Variants in EIF4ENIF1 observed in about 807,000 individuals in gnomAD.
The protein encoded by EIF4ENIF1 is eukaryotic translation initiation factor 4E nuclear import factor 1.
Under a neutral mutation model 110.5 loss-of-function variants are expected in EIF4ENIF1, and 23 were observed. The observed-to-expected ratio is 0.21, with a 90% CI of 0.15 to 0.29. The LOEUF is 0.29. Ranked by LOEUF, EIF4ENIF1 falls within the 10% of genes least tolerant of loss-of-function variation. The pLI is 1.00. For synonymous variants in EIF4ENIF1, 440 were observed against 437.0 expected, an observed-to-expected ratio of 1.01 and a Z score of -0.09; for missense variants, 1,031 against 1,221.1, an observed-to-expected ratio of 0.84 and a Z score of 2.32.
At chr22:31,442,536 C>T (rs914038981) in intron 16 of EIF4ENIF1, among the ~76,000 whole-genome samples, 1 of 152,170 alleles carries the variant, frequency 6.6e-6, no homozygotes, top group Non-Finnish European at 1.5e-5. Context: ...TTACCACGTC[C>T]TTCACAATCC....
chr22:31,444,370 C>T (rs1156521865), intron 15 of EIF4ENIF1: 1 of 452,806 alleles, frequency 2.2e-6, no homozygotes, highest in Non-Finnish European at 4.1e-6. Flanking sequence ...TGTGCCCTGG[C>T]CCATGATCAT....
At chr22:31,446,848 G>T in intron 14 of EIF4ENIF1, 1 of 288,320 alleles carries the variant, frequency 3.5e-6, no homozygotes, top group Non-Finnish European at 7.3e-6. Context: ...CCTAACTTAT[G>T]ATTAATTTCA....
Position 31,462,850 on chromosome 22 carries a change from T to G in EIF4ENIF1, c.787+82A>C, listed in dbSNP as rs1601604020. The G allele has an allele frequency of 4.9e-6, 7 of 1,443,222 alleles. No individual in the cohort carries two copies. In the East Asian group the frequency reaches 1.1e-4, roughly 24 times the overall value. 89.4% of individuals were successfully genotyped at this position (1,443,222 alleles called of 1,614,324 possible). A position where few individuals can be genotyped will look rare whatever the true frequency, so the allele number is the denominator to read the frequency against. On this transcript the variant is annotated intron_variant, in intron 6 of 18. Coordinates refer to ENST00000330125, the MANE Select transcript of EIF4ENIF1 (RefSeq NM_019843.4). ...CGCCCACCTCGGCCTCCCAAAGTGT[T>G]GGGATTACAGGTGTGAGCCACCACG...
At chr22:31,491,017 T>C (rs144525889), upstream of EIF4ENIF1, among the ~76,000 whole-genome samples, 61 of 152,330 alleles carry the variant, frequency 4.0e-4, no homozygotes, top group African/African-American at 1.4e-3. Flanking sequence ...GTGTGTTTCT[T>C]ACAAACTGTT....
chr22:31,485,078 G>A (rs1023771328), intron 2 of EIF4ENIF1, among the ~76,000 whole-genome samples: 3 of 152,106 alleles, frequency 2.0e-5, no homozygotes, highest in Non-Finnish European at 2.9e-5. Flanking sequence ...CCCAAGTCCC[G>A]CATAGAATTA....
intron 2 of EIF4ENIF1, among the ~76,000 whole-genome samples, chr22:31,481,238 C>A (rs2051804546): frequency 6.6e-6 from 1 of 152,142 alleles, no homozygotes; most frequent in African/African-American, 2.4e-5. Flanking sequence ...TCATAGCTCA[C>A]TGCAAGCTCA....
At chr22:31,438,619 A>C (rs1337366189), downstream of EIF4ENIF1, among the ~76,000 whole-genome samples, 1 of 152,210 alleles carries the variant, frequency 6.6e-6, no homozygotes, top group Non-Finnish European at 1.5e-5. Context: ...CCACAAGGCT[A>C]TGCTATCTAT....
In EIF4ENIF1 at chr22:31,440,118, A is replaced by C; in HGVS notation, c.2720T>G (p.Leu907Arg). ...ATGGGAACCAGAGCCTGGAGGATGC[A>C]GAACTGTGGAGATAAGAAGGGTTAT... ...MVQQQLQRSVLHPPGSGSHAA... is the reference protein window; with the variant it reads ...MVQQQLQRSVRHPPGSGSHAA... Residue 907 changes from leucine to arginine, a missense_variant, in exon 19 of 19, where the codon CTG becomes CGG. Leu to Arg is a moderately radical substitution (Grantham distance 102). This residue lies in a region of EIF4ENIF1 where 309 missense variants were observed against 299.1 expected (regional missense o/e 1.03). Coordinates refer to ENST00000330125, the MANE Select transcript of EIF4ENIF1 (RefSeq NM_019843.4). 1 of 1,614,188 alleles carries C rather than the reference A, an allele frequency of 6.2e-7. No individual in the cohort carries two copies.
chr22:31,492,688 T>C (rs2052295048), upstream of EIF4ENIF1, among the ~76,000 whole-genome samples: 1 of 152,336 alleles, frequency 6.6e-6, no homozygotes, highest in Admixed American at 6.5e-5. Flanking sequence ...TCTTGTTTCA[T>C]TGTAGTTTTT....
intron 2 of EIF4ENIF1, among the ~76,000 whole-genome samples, chr22:31,478,271 T>C (rs1390892554): frequency 1.3e-5 from 2 of 152,056 alleles, no homozygotes; most frequent in Admixed American, 6.6e-5. Flanking sequence ...TCTCAAAACA[T>C]TGGGAGGCCG....
intron 7 of EIF4ENIF1, among the ~76,000 whole-genome samples, chr22:31,456,269 G>T (rs2078731597): frequency 6.7e-6 from 1 of 148,528 alleles, no homozygotes; most frequent in African/African-American, 2.5e-5. Context: ...TGTCACCCAG[G>T]CTGGAGTGCA....
intron 11 of EIF4ENIF1, 77 bp downstream of exon 11, chr22:31,450,212 G>T: frequency 8.6e-7 from 1 of 1,162,310 alleles, no homozygotes; most frequent in Non-Finnish European, 1.3e-6. Context: ...AAGGCCCAAA[G>T]TTGGACCACT....
intron 6 of EIF4ENIF1, among the ~76,000 whole-genome samples, chr22:31,461,350 C>G (rs1456100059): frequency 6.6e-6 from 1 of 152,218 alleles, no homozygotes; most frequent in East Asian, 1.9e-4. Context: ...GGCTCCCACT[C>G]TGCAGCAGGT....
intron 2 of EIF4ENIF1, among the ~76,000 whole-genome samples, chr22:31,474,663 T>G (rs754597656): frequency 4.4e-4 from 67 of 152,048 alleles, no homozygotes; most frequent in Non-Finnish European, 6.9e-4. Flanking sequence ...GCCCTTTCAG[T>G]AGAGTTAGGA....
intron 2 of EIF4ENIF1, among the ~76,000 whole-genome samples, chr22:31,485,747 T>C (rs5998003): frequency 0.46 from 69,431 of 151,696 alleles, 16,266 homozygotes; most frequent in Middle Eastern, 0.59. Flanking sequence ...GAGGTTGCAG[T>C]GAGCCAAGAT....
rs562552198 is a variant in EIF4ENIF1, at chr22:31,468,671, A to G, written c.171-369T>C. On this transcript the variant is annotated intron_variant, in intron 3 of 18. Coordinates refer to ENST00000330125, the MANE Select transcript of EIF4ENIF1 (RefSeq NM_019843.4). ...TGGCTTCCCAAAGTGCTGGGATTAC[A>G]GATGTGAGCCACTACGCCCAGCCAG... Among the ~76,000 whole-genome samples, 119 of 152,330 alleles carry G rather than the reference A, an allele frequency of 7.8e-4. 1 individual carries two copies. The highest frequency in any genetic ancestry group is 4.6e-3 in the East Asian group (24 of 5,182).
At chr22:31,482,050 A>C (rs1210831491) in intron 2 of EIF4ENIF1, among the ~76,000 whole-genome samples, 1 of 151,986 alleles carries the variant, frequency 6.6e-6, no homozygotes, top group African/African-American at 2.4e-5. Flanking sequence ...ACACACCTGT[A>C]GTCCTAGCTA....
chr22:31,472,407 T>G (rs1267758881), intron 2 of EIF4ENIF1, among the ~76,000 whole-genome samples: 1 of 152,108 alleles, frequency 6.6e-6, no homozygotes, highest in East Asian at 1.9e-4. Flanking sequence ...TGGCTGGAAT[T>G]ACAGGCACAC....
chr22:31,455,608 C>A (rs56314242), intron 8 of EIF4ENIF1, among the ~76,000 whole-genome samples: 6,368 of 152,100 alleles, frequency 0.042, 122 homozygotes, highest in Non-Finnish European at 0.051. Flanking sequence ...CCATGTTGGC[C>A]AGGCTGGTCT....
Sources: allele counts gnomAD v4.1 joint callset (sites outside exome capture counted in the v4.1 genomes callset), GRCh38; gene constraint gnomAD v4.1.1; regional missense constraint gnomAD v4.1.1; transcripts MANE v1.5; gene names NCBI Gene and HGNC (gene_info 2026-07-23, HGNC 2026-07-21).